Variants in HS3ST3A1 observed in about 807,000 individuals in gnomAD.
HS3ST3A1 encodes heparan sulfate glucosamine 3-O-sulfotransferase 3A1.
HS3ST3A1 carries 19 observed loss-of-function variants against 25.7 expected under a neutral mutation model. That is an observed-to-expected ratio of 0.74 (90% confidence interval 0.52 to 1.08). The LOEUF (loss-of-function observed/expected upper bound fraction) is 1.08, where lower values mean the gene tolerates loss of function less well. HS3ST3A1 is among the 50% of genes least tolerant of loss of function. The pLI is 0.00. For synonymous variants in HS3ST3A1, 226 were observed against 278.6 expected (o/e 0.81, Z 1.88); for missense variants, 459 against 594.3 (o/e 0.77, Z 2.37).
intron 1 of HS3ST3A1, among the ~76,000 whole-genome samples, chr17:13,596,603 C>A (rs1048453641): frequency 6.6e-6 from 1 of 151,994 alleles, no homozygotes. Flanking sequence ...TAGACAAGTA[C>A]GCTAGACTCA....
intron 1 of HS3ST3A1, among the ~76,000 whole-genome samples, chr17:13,529,981 C>G (rs1472129217): frequency 2.7e-5 from 4 of 147,004 alleles, no homozygotes; most frequent in Non-Finnish European, 6.0e-5. Flanking sequence ...GAAACCACAA[C>G]AGCAATCAAT....
intron 1 of HS3ST3A1, among the ~76,000 whole-genome samples, chr17:13,541,337 G>A (rs931165685): frequency 9.9e-5 from 15 of 152,178 alleles, no homozygotes; most frequent in African/African-American, 3.6e-4. Flanking sequence ...CTTAATCCAT[G>A]TTCTATTAAT....
At chr17:13,585,807 G>A (rs1466701748) in intron 1 of HS3ST3A1, among the ~76,000 whole-genome samples, 1 of 136,506 alleles carries the variant, frequency 7.3e-6, no homozygotes, top group Admixed American at 7.4e-5. Flanking sequence ...AAAATTGCTC[G>A]TTCCCCTTGA....
In HS3ST3A1 at chr17:13,495,773, T is replaced by C; in HGVS notation, c.*424A>G. 1 of 158,358 alleles carries C rather than the reference T, an allele frequency of 6.3e-6. No homozygotes were observed. Among genetic ancestry groups the C allele is most frequent in the Non-Finnish European group, 1.4e-5 (1 of 72,154 alleles). The allele number at this position is 158,358 out of a possible 1,614,324, so 9.8% of individuals were successfully genotyped here. ...TGTGACGGGTACAAACATATGATAA[T>C]ACTAACTGGGAAATAATTTAAGAAA... On this transcript the variant is annotated 3_prime_UTR_variant, in exon 2 of 2. Coordinates refer to ENST00000284110, the MANE Select transcript of HS3ST3A1 (RefSeq NM_006042.3).
intron 1 of HS3ST3A1, among the ~76,000 whole-genome samples, chr17:13,563,467 G>T (rs1298271729): frequency 6.6e-6 from 1 of 152,180 alleles, no homozygotes; most frequent in African/African-American, 2.4e-5. Flanking sequence ...GGAGCAGGAT[G>T]TATGTAGGCA....
Position 13,563,176 on chromosome 17 carries a change from A to G in HS3ST3A1, c.599+37355T>C, listed in dbSNP as rs556614617. On this transcript the variant is annotated intron_variant, in intron 1 of 1. Coordinates refer to ENST00000284110, the MANE Select transcript of HS3ST3A1 (RefSeq NM_006042.3). ...CAGGGATACCTAGACCCCATTTGGAAAAAGGGACAGTGATGAGCCTCTGAA... is the reference window on the plus strand; with the variant it reads ...CAGGGATACCTAGACCCCATTTGGAGAAAGGGACAGTGATGAGCCTCTGAA... Among the ~76,000 whole-genome samples, 35 of 151,976 alleles carry G rather than the reference A, an allele frequency of 2.3e-4. No homozygotes were observed. The South Asian group carries it at 6.5e-3, about 28-fold the overall frequency.
At chr17:13,520,462 T>C (rs1489246655) in intron 1 of HS3ST3A1, among the ~76,000 whole-genome samples, 1 of 152,184 alleles carries the variant, frequency 6.6e-6, no homozygotes, top group African/African-American at 2.4e-5. Context: ...TGCCAAATGT[T>C]ACATCAACCG....
chr17:13,526,650 A>AT (rs1195221082), intron 1 of HS3ST3A1, among the ~76,000 whole-genome samples: 1 of 150,410 alleles, frequency 6.6e-6, no homozygotes, highest in Non-Finnish European at 1.5e-5. Flanking sequence ...ATTTTATTTT[A>AT]TTTTTTATTT....
intron 1 of HS3ST3A1, 138 bp downstream of exon 1, chr17:13,600,393 A>T: frequency 7.2e-7 from 1 of 1,379,640 alleles, no homozygotes; most frequent in Non-Finnish European, 9.4e-7. Context: ...GAGAGGGAAG[A>T]AAGACCCTTG....
chr17:13,527,843 C>A (rs893187376), intron 1 of HS3ST3A1, among the ~76,000 whole-genome samples: 3 of 152,186 alleles, frequency 2.0e-5, no homozygotes, highest in African/African-American at 7.2e-5. Context: ...CTTCAAGTCA[C>A]AAAAGGCTAA....
At chr17:13,566,858 C>G (rs529942312) in intron 1 of HS3ST3A1, among the ~76,000 whole-genome samples, 1 of 152,288 alleles carries the variant, frequency 6.6e-6, no homozygotes, top group East Asian at 1.9e-4. Flanking sequence ...AAGAAGCCAT[C>G]TCCATAACAT....
Position 13,496,822 on chromosome 17 carries a change from A to G in HS3ST3A1, c.600-4T>C. The stretch of plus-strand genomic sequence containing the variant: ...CAGGGTTCTGGGCATCAGGTCCCTG[A>G]GAAACGCAAAAAGGCATGTCAGAGA... On this transcript the variant is annotated splice_polypyrimidine_tract_variant and splice_region_variant and intron_variant, in intron 1 of 1. Transcript: ENST00000284110. 6.2e-7 allele frequency: 1 copy of G among 1,609,442 alleles called. No homozygotes were observed. The highest frequency in any genetic ancestry group is 1.1e-5 in the South Asian group (1 of 90,400).
chr17:13,597,732 A>T (rs1307890264), intron 1 of HS3ST3A1, among the ~76,000 whole-genome samples: 1 of 152,210 alleles, frequency 6.6e-6, no homozygotes, highest in Non-Finnish European at 1.5e-5. Context: ...TTTACTACAA[A>T]TGTGCTCAAA....
chr17:13,529,250 T>A (rs1906528772), intron 1 of HS3ST3A1, among the ~76,000 whole-genome samples: 1 of 152,168 alleles, frequency 6.6e-6, no homozygotes, highest in African/African-American at 2.4e-5. Context: ...ATAACACCAA[T>A]CTATCATGTA....
rs1357126489 is a variant in HS3ST3A1, at chr17:13,494,439, A to T, written c.*1758T>A. Among the ~76,000 whole-genome samples the T allele has an allele frequency of 2.0e-5, 3 of 152,246 alleles. No individual in the cohort carries two copies. The highest frequency in any genetic ancestry group is 4.4e-5 in the Non-Finnish European group (3 of 68,032). On this transcript the variant is annotated 3_prime_UTR_variant, in exon 2 of 2. Coordinates refer to ENST00000284110, the MANE Select transcript of HS3ST3A1 (RefSeq NM_006042.3). ...ATTTTAATCCTGTGTTAAGCTTCTC[A>T]AGAAATATTTACATCACCTAATGCA... is the stretch of plus-strand genomic sequence containing the variant.
At chr17:13,544,178 G>A (rs1205379926) in intron 1 of HS3ST3A1, among the ~76,000 whole-genome samples, 1 of 151,846 alleles carries the variant, frequency 6.6e-6, no homozygotes, top group Non-Finnish European at 1.5e-5. Context: ...TTCTTACTTT[G>A]GGTTTGCTTT....
intron 1 of HS3ST3A1, among the ~76,000 whole-genome samples, chr17:13,509,668 TAGAATCTACCAG>T (rs1905800708): frequency 6.6e-6 from 1 of 152,106 alleles, no homozygotes; most frequent in African/African-American, 2.4e-5. Flanking sequence ...GAGAAGAATC[TAGAATCTACCAG>T]AGATAGGAAA....
chr17:13,530,084 C>T (rs1451808311), intron 1 of HS3ST3A1, among the ~76,000 whole-genome samples: 1 of 151,780 alleles, frequency 6.6e-6, no homozygotes, highest in Non-Finnish European at 1.5e-5. Flanking sequence ...AGGAGAAAGA[C>T]CAGGGGCTTG....
At chr17:13,593,251 A>G (rs1908481287) in intron 1 of HS3ST3A1, among the ~76,000 whole-genome samples, 1 of 151,430 alleles carries the variant, frequency 6.6e-6, no homozygotes, top group African/African-American at 2.4e-5. Flanking sequence ...AAAAAAAAAA[A>G]AAGTCATACG....
Sources: allele counts gnomAD v4.1 joint callset (sites outside exome capture counted in the v4.1 genomes callset), GRCh38; gene constraint gnomAD v4.1.1; transcripts MANE v1.5; gene names NCBI Gene and HGNC (gene_info 2026-07-23, HGNC 2026-07-21).